Variants in SCN10A observed in about 807,000 individuals in gnomAD.
The protein encoded by SCN10A is sodium voltage-gated channel alpha subunit 10.
Under a neutral mutation model 170.7 loss-of-function variants are expected in SCN10A, and 162 were observed. The observed-to-expected ratio is 0.95, with a 90% confidence interval of 0.84 to 1.08. SCN10A has a LOEUF of 1.08. Ranked by LOEUF, SCN10A falls within the 50% of genes least tolerant of loss-of-function variation. SCN10A has a pLI of 0.00. For synonymous variants in SCN10A, 985 were observed against 904.6 expected (o/e 1.09, Z -1.59); for missense variants, 2,527 against 2,436.9 (o/e 1.04, Z -0.78).
intron 4 of SCN10A, among the ~76,000 whole-genome samples, chr3:38,772,334 A>G (rs1407838304): frequency 1.3e-4 from 20 of 150,956 alleles, no homozygotes; most frequent in African/African-American, 2.7e-4. Flanking sequence ...AAAAAAAAAA[A>G]AAAAGAAAAG....
Position 38,726,802 on chromosome 3 carries a change from G to A in SCN10A, c.2891C>T (p.Ala964Val). The A allele has an allele frequency of 6.2e-7, 1 of 1,611,614 alleles. No individual in the cohort carries two copies. Among genetic ancestry groups the A allele is most frequent in the Non-Finnish European group, 8.5e-7 (1 of 1,177,886 alleles). ...TCCAGAGCTCCCCCTGGCAGTGTTG[G>A]CAGCAATGTGGTTCTCAGCCTTGGA... Reference protein sequence around the residue: ...SSSKAENHIAANTARGSSGGL... With the variant: ...SSSKAENHIAVNTARGSSGGL... The change falls in exon 17 of 28, where the codon GCC becomes GTC. Residue 964 changes from alanine (A) to valine (V), a missense_variant. By Grantham distance (64) the Ala-to-Val change is moderately conservative. Transcript: ENST00000449082.
chr3:38,805,418 C>T (rs1383498758), intron 1 of SCN10A, among the ~76,000 whole-genome samples: 3 of 152,092 alleles, frequency 2.0e-5, no homozygotes, highest in East Asian at 1.9e-4. Flanking sequence ...CTCTCCATGG[C>T]AACGTGAGCA....
intron 5 of SCN10A, 81 bp downstream of exon 5, chr3:38,771,198 C>T (rs2063994766): frequency 6.6e-7 from 1 of 1,510,922 alleles, no homozygotes; most frequent in Non-Finnish European, 9.1e-7. Flanking sequence ...CAAGTGGGAC[C>T]TGCATGTTAG....
intron 4 of SCN10A, among the ~76,000 whole-genome samples, chr3:38,781,467 C>T (rs1034231134): frequency 1.3e-5 from 2 of 152,164 alleles, no homozygotes; most frequent in African/African-American, 4.8e-5. Flanking sequence ...GTCACACAAC[C>T]AACAGTTACT....
rs753363395 is a variant in SCN10A at position 38,807,869 on chromosome 3, C to A, written c.-33+8168G>T. 3.9e-5 allele frequency among the ~76,000 whole-genome samples: 6 copies of A among 152,256 alleles called. No individual in the cohort carries two copies. In the East Asian group the frequency reaches 7.7e-4, roughly 20 times the overall value. On this transcript the variant is annotated intron_variant, in intron 1 of 27. Transcript: ENST00000449082. ...CCCACCTCTTCACATGTGCGCCAAC[C>A]ACCAAGTCACAACCATTTCTTATCT...
At chr3:38,790,341 T>C (rs1389967446) in intron 3 of SCN10A, among the ~76,000 whole-genome samples, 1 of 152,018 alleles carries the variant, frequency 6.6e-6, no homozygotes, top group Non-Finnish European at 1.5e-5. Flanking sequence ...GAGATTTAAA[T>C]GCAGACTTTT....
In SCN10A at chr3:38,707,376, C is replaced by T. The variant is rs754423728; in HGVS notation, c.4289G>A (p.Gly1430Asp). The T allele has an allele frequency of 3.1e-6, 5 of 1,613,972 alleles. No homozygotes were observed. In the South Asian group the frequency reaches 5.5e-5, roughly 18 times the overall value. Reference protein sequence around the residue: ...NFNQQKKKLGGQDIFMTEEQK... With the variant: ...NFNQQKKKLGDQDIFMTEEQK... ...CTCCTCTGTCATGAAGATGTCCTGG[C>T]CCCCTAAGTGCAGAGAGGGCCACAC... Residue 1430 changes from glycine (G) to aspartate (D), a missense_variant, in exon 26 of 28, where the codon GGC becomes GAC. Gly to Asp is a moderately conservative substitution (Grantham distance 94, BLOSUM62 -1). Transcript: ENST00000449082.
intron 23 of SCN10A, among the ~76,000 whole-genome samples, 180 bp from the exon 24 acceptor site, chr3:38,711,077 T>C (rs2063268753): frequency 6.6e-6 from 1 of 152,210 alleles, no homozygotes; most frequent in African/African-American, 2.4e-5. Flanking sequence ...TGATTTAAAG[T>C]AATCCCACAT....
chr3:38,699,268 T>G (rs576840353), intron 27 of SCN10A, among the ~76,000 whole-genome samples: 7 of 151,574 alleles, frequency 4.6e-5, no homozygotes, highest in African/African-American at 9.7e-5. Context: ...TAGGTTTTTT[T>G]GGGGGAGTCA....
chr3:38,718,414 C>A (rs1473310533), intron 21 of SCN10A, among the ~76,000 whole-genome samples: 4 of 152,228 alleles, frequency 2.6e-5, no homozygotes, highest in African/African-American at 9.6e-5. Context: ...TTGCAGGGAT[C>A]TTTCTGAATG....
At chr3:38,751,659 C>T (rs1459598716) in intron 12 of SCN10A, among the ~76,000 whole-genome samples, 1 of 152,228 alleles carries the variant, frequency 6.6e-6, no homozygotes, top group Admixed American at 6.5e-5. Context: ...CCCTGACTTG[C>T]CATTACACTC....
At chr3:38,815,674 C>T (rs149335755) in intron 1 of SCN10A, among the ~76,000 whole-genome samples, 286 of 152,286 alleles carry the variant, frequency 1.9e-3, no homozygotes, top group African/African-American at 6.6e-3. Flanking sequence ...CCTCTGTTAT[C>T]ACAGTTTTTG....
intron 25 of SCN10A, among the ~76,000 whole-genome samples, chr3:38,707,977 T>C (rs2063228883): frequency 6.6e-6 from 1 of 152,074 alleles, no homozygotes; most frequent in Non-Finnish European, 1.5e-5. Flanking sequence ...GATGTTTTCC[T>C]CCCTTAGGAT....
chr3:38,730,691 C>T lies in SCN10A; in HGVS notation c.2281-1790G>A, dbSNP rs934033657. 2.6e-5 allele frequency among the ~76,000 whole-genome samples: 4 copies of T among 151,894 alleles called. No individual in the cohort carries two copies. In the East Asian group the frequency reaches 7.7e-4, roughly 29 times the overall value. ...TAACAATAACAAGTTGTGAAAAATA[C>T]ACTCTTAGAAATGAAAAATATAATA... On this transcript the variant is annotated intron_variant, in intron 15 of 27. Transcript: ENST00000449082.
intron 4 of SCN10A, among the ~76,000 whole-genome samples, chr3:38,782,121 TGTC>T (rs2126050483): frequency 6.6e-6 from 1 of 152,300 alleles, no homozygotes; most frequent in East Asian, 1.9e-4. Context: ...ACCTTTGTAC[TGTC>T]AAGTGTAATT....
chr3:38,727,867 G>C (rs548558872), intron 16 of SCN10A, among the ~76,000 whole-genome samples: 2 of 152,198 alleles, frequency 1.3e-5, no homozygotes, highest in East Asian at 1.9e-4. Context: ...GCGGAGAAGG[G>C]GTATTGGGGC....
chr3:38,706,913 G>A (rs777110111), intron 26 of SCN10A, among the ~76,000 whole-genome samples: 1 of 152,044 alleles, frequency 6.6e-6, no homozygotes, highest in Non-Finnish European at 1.5e-5. Flanking sequence ...GATCTACTGC[G>A]ACCTAGACCA....
At chr3:38,717,570 G>A (rs1428843974) in intron 21 of SCN10A, among the ~76,000 whole-genome samples, 1 of 152,254 alleles carries the variant, frequency 6.6e-6, no homozygotes, top group African/African-American at 2.4e-5. Flanking sequence ...AGCTGCTAGT[G>A]CATTGGCATC....
intron 17 of SCN10A, among the ~76,000 whole-genome samples, 198 bp downstream of exon 17, chr3:38,726,408 C>A (rs1020433786): frequency 6.6e-6 from 1 of 152,196 alleles, no homozygotes; most frequent in Admixed American, 6.5e-5. Context: ...TGCTGCCCCC[C>A]ACTCCCTGTT....
Sources: allele counts gnomAD v4.1 joint callset (sites outside exome capture counted in the v4.1 genomes callset), GRCh38; gene constraint gnomAD v4.1.1; transcripts MANE v1.5; gene names NCBI Gene and HGNC (gene_info 2026-07-23, HGNC 2026-07-21).